The following DEFB124 variants were observed in gnomAD, a reference collection of about 807,000 sequenced individuals.
DEFB124 encodes beta-defensin 124.
For missense variants in DEFB124, 78 were observed against 83.1 expected (o/e 0.94, Z 0.24); for synonymous variants, 38 against 36.5 (o/e 1.04, Z -0.15).
At chr20:31,473,200 G>T (rs1252797880) in intron 1 of DEFB124, among the ~76,000 whole-genome samples, 162 bp from the exon 2 acceptor site, 1 of 152,184 alleles carries the variant, frequency 6.6e-6, no homozygotes, top group Non-Finnish European at 1.5e-5. Context: ...AGCCAGCTAC[G>T]TGGGAACTGG....
intron 2 of DEFB124, among the ~76,000 whole-genome samples, chr20:31,471,917 G>C (rs1179640389): frequency 6.6e-6 from 1 of 151,530 alleles, no homozygotes; most frequent in Admixed American, 6.6e-5. Flanking sequence ...TCACTTTCCA[G>C]ACTGGGCAGC....
At position 31,465,639 on chromosome 20, in the gene DEFB124, C is replaced by T. The variant is rs1255999955; in HGVS notation, c.83G>A (p.Trp28Ter). ...AGTTTGGCAGGCCCCTTGACCCTTC[C>T]AGCACCGTTTGAATTCACTTCTCCC... ...PSGRSEFKRC[W>*]KGQGACQTYC... Residue 28 changes from tryptophan to a stop codon, truncating the protein, a stop_gained, in exon 3 of 3, where the codon TGG becomes TAG. Coordinates refer to ENST00000317676, the MANE Select transcript of DEFB124 (RefSeq NM_001037500.2). LOFTEE classifies it low-confidence loss of function (END_TRUNC). 3 of 1,613,862 alleles carry T rather than the reference C, an allele frequency of 1.9e-6. No homozygotes were observed. Among genetic ancestry groups the T allele is most frequent in the Non-Finnish European group, 2.5e-6 (3 of 1,180,042 alleles).
At chr20:31,471,575 T>C (rs1429544573) in intron 2 of DEFB124, among the ~76,000 whole-genome samples, 1 of 143,306 alleles carries the variant, frequency 7.0e-6, no homozygotes, top group Non-Finnish European at 1.5e-5. Flanking sequence ...ACGGGGCGGC[T>C]GCCGGGCGGA....
rs923907771 is a variant in DEFB124 at position 31,470,198 on chromosome 20, CG to C, written c.58+2757del. Among the ~76,000 whole-genome samples, 14 of 145,304 alleles carry C rather than the reference CG, an allele frequency of 9.6e-5. No homozygotes were observed. In the South Asian group the frequency reaches 1.1e-3, roughly 11 times the overall value. On this transcript the variant is annotated intron_variant, in intron 2 of 2. Transcript: ENST00000317676. ...CTCCCGGACGGGGCGGCTGGCCGGG[CG>C]GGGGGCTGACCCCCCCACCTCCCTC...
intron 2 of DEFB124, among the ~76,000 whole-genome samples, chr20:31,471,168 G>A (rs1980279956): frequency 7.4e-6 from 1 of 134,954 alleles, no homozygotes; most frequent in African/African-American, 2.8e-5. Flanking sequence ...GGACGAGGCG[G>A]CTGGCTGGGC....
intron 2 of DEFB124, among the ~76,000 whole-genome samples, chr20:31,470,385 C>A (rs1244752954): frequency 6.2e-5 from 8 of 128,120 alleles, no homozygotes; most frequent in East Asian, 2.6e-4. Context: ...GGGGGGCTGA[C>A]CCCCCCACCT....
chr20:31,470,929 G>C (rs1287496422), intron 2 of DEFB124, among the ~76,000 whole-genome samples: 1 of 138,800 alleles, frequency 7.2e-6, no homozygotes, highest in Admixed American at 7.0e-5. Flanking sequence ...CCGGCAGAGG[G>C]GCTCCTCACT....
chr20:31,474,866 A>C lies in DEFB124; in HGVS notation c.-265T>G, dbSNP rs992087564. On this transcript the variant is annotated 5_prime_UTR_variant, in exon 1 of 3. Transcript: ENST00000317676. The stretch of plus-strand genomic sequence containing the variant: ...GTGAGGTCAGTGAACCGCCTGCATC[A>C]GGATCACTTGGGGCACTTGTTTAAA... 6.6e-6 allele frequency among the ~76,000 whole-genome samples: 1 copy of C among 152,210 alleles called. No homozygotes were observed. The highest frequency in any genetic ancestry group is 1.5e-5 in the Non-Finnish European group (1 of 68,036).
chr20:31,471,839 T>C (rs1201486574), intron 2 of DEFB124, among the ~76,000 whole-genome samples: 7 of 130,930 alleles, frequency 5.3e-5, no homozygotes, highest in Non-Finnish European at 8.1e-5. Context: ...ACTTCCCAGA[T>C]GGGATGGCTG....
intron 2 of DEFB124, among the ~76,000 whole-genome samples, chr20:31,471,685 A>T (rs1336225115): frequency 2.2e-4 from 30 of 138,148 alleles, no homozygotes; most frequent in Non-Finnish European, 3.1e-4. Context: ...CACTTCTCAG[A>T]CGGGGCGGCT....
At chr20:31,466,756 A>G (rs979280587) in intron 2 of DEFB124, among the ~76,000 whole-genome samples, 2 of 152,010 alleles carry the variant, frequency 1.3e-5, no homozygotes, top group African/African-American at 2.4e-5. Context: ...GTTAGGTTTT[A>G]GTGAAGGAAT....
In DEFB124 at chr20:31,465,603, C is replaced by T. The variant is rs1568755922; in HGVS notation, c.119G>A (p.Arg40Lys). 2 of 1,614,180 alleles carry T rather than the reference C, an allele frequency of 1.2e-6. No homozygotes were observed. Among genetic ancestry groups the T allele is most frequent in the East Asian group, 4.5e-5 (2 of 44,890 alleles). The change falls in exon 3 of 3, where the codon AGG (arginine) becomes AAG (lysine). Residue 40 changes from arginine (R) to lysine (K), a missense_variant. Physicochemically the swap from Arg to Lys is conservative, Grantham distance 26 (BLOSUM62 2). Coordinates refer to ENST00000317676, the MANE Select transcript of DEFB124 (RefSeq NM_001037500.2). ...GQGACQTYCT[R>K]QETYMHLCPD... ...GCACAGGTGCATGTAAGTTTCTTGC[C>T]TTGTGCAGTAAGTTTGGCAGGCCCC... is the stretch of plus-strand genomic sequence containing the variant.
chr20:31,471,517 C>T (rs1437563598), intron 2 of DEFB124, among the ~76,000 whole-genome samples: 2 of 145,624 alleles, frequency 1.4e-5, no homozygotes, highest in Non-Finnish European at 3.0e-5. Flanking sequence ...CCCTCCCGGA[C>T]GGGGCGGCTG....
At chr20:31,473,192 C>G (rs1194125674) in intron 1 of DEFB124, among the ~76,000 whole-genome samples, 154 bp from the exon 2 acceptor site, 1 of 152,144 alleles carries the variant, frequency 6.6e-6, no homozygotes, top group Admixed American at 6.5e-5. Flanking sequence ...GGGATTTCAG[C>G]CAGCTACGTG....
At chr20:31,472,368 G>T (rs9753639) in intron 2 of DEFB124, among the ~76,000 whole-genome samples, 3 of 149,996 alleles carry the variant, frequency 2.0e-5, no homozygotes, top group African/African-American at 7.4e-5. Context: ...GTCCAGCTTC[G>T]GCTCGGCATC....
intron 1 of DEFB124, among the ~76,000 whole-genome samples, chr20:31,473,997 A>G (rs972635389): frequency 6.6e-6 from 1 of 152,194 alleles, no homozygotes; most frequent in African/African-American, 2.4e-5. Context: ...GGGCAGAAAG[A>G]ATAGAATGTG....
intron 2 of DEFB124, among the ~76,000 whole-genome samples, chr20:31,471,059 C>A (rs1212204388): frequency 1.8e-5 from 2 of 113,722 alleles, no homozygotes; most frequent in African/African-American, 3.2e-5. Flanking sequence ...GGGGGCTGAC[C>A]CCCCCCACCT....
chr20:31,472,788 G>A (rs1980370443), intron 2 of DEFB124, 168 bp downstream of exon 2: 1 of 619,814 alleles, frequency 1.6e-6, no homozygotes, highest in African/African-American at 1.9e-5. Flanking sequence ...CTGAGGTACA[G>A]GCTGATTTAG....
At chr20:31,467,585 T>G (rs974591971) in intron 2 of DEFB124, among the ~76,000 whole-genome samples, 5 of 152,170 alleles carry the variant, frequency 3.3e-5, no homozygotes, top group African/African-American at 1.2e-4. Flanking sequence ...GAGGCAAGAT[T>G]ATCAGCATGA....
Sources: allele counts gnomAD v4.1 joint callset (sites outside exome capture counted in the v4.1 genomes callset), GRCh38; gene constraint gnomAD v4.1.1; transcripts MANE v1.5; gene names NCBI Gene and HGNC (gene_info 2026-07-23, HGNC 2026-07-21).